The following TRIM2 variants were observed in gnomAD, a reference collection of about 807,000 sequenced individuals.
TRIM2 encodes the protein tripartite motif containing 2, also known as tripartite motif-containing protein 2.
A neutral mutation model predicts 75.2 loss-of-function variants in TRIM2; 20 were observed. The ratio of observed to expected loss-of-function variants is 0.27; its 90% CI spans 0.19 to 0.39. The LOEUF (loss-of-function observed/expected upper bound fraction) is 0.39. Among genes scored for constraint, TRIM2 ranks in the 10% least tolerant of loss-of-function variants. The pLI is 1.00. For synonymous variants in TRIM2, 373 were observed against 388.3 expected (o/e 0.96, Z 0.46); for missense variants, 660 against 990.8 (o/e 0.67, Z 4.48).
chr4:153,214,849 G>A (rs1205256045), intron 1 of TRIM2, among the ~76,000 whole-genome samples: 1 of 152,120 alleles, frequency 6.6e-6, no homozygotes, highest in Non-Finnish European at 1.5e-5. Flanking sequence ...GAGGATTTTG[G>A]AAACTACTAG....
intron 6 of TRIM2, among the ~76,000 whole-genome samples, chr4:153,301,332 C>G (rs572071294): frequency 6.6e-6 from 1 of 152,168 alleles, no homozygotes; most frequent in African/African-American, 2.4e-5. Context: ...CCCAGCCAAC[C>G]TTTGCCTATT....
intron 1 of TRIM2, among the ~76,000 whole-genome samples, chr4:153,243,771 A>C (rs1747294996): frequency 6.6e-6 from 1 of 151,696 alleles, no homozygotes; most frequent in Non-Finnish European, 1.5e-5. Context: ...GGCATGGATA[A>C]TATGTGGTTT....
intron 1 of TRIM2, among the ~76,000 whole-genome samples, chr4:153,187,555 A>C (rs111657386): frequency 3.3e-5 from 5 of 152,132 alleles, no homozygotes; most frequent in Non-Finnish European, 7.4e-5. Context: ...GAGAGAGAGG[A>C]AGAAGGCTGC....
At chr4:153,218,428 T>G (rs1739076986) in intron 1 of TRIM2, among the ~76,000 whole-genome samples, 1 of 152,336 alleles carries the variant, frequency 6.6e-6, no homozygotes, top group East Asian at 1.9e-4. Flanking sequence ...CAGGGTGGCC[T>G]CCCATTCTTG....
At chr4:153,192,135 C>T (rs1269155562) in intron 1 of TRIM2, among the ~76,000 whole-genome samples, 1 of 152,174 alleles carries the variant, frequency 6.6e-6, no homozygotes, top group Non-Finnish European at 1.5e-5. Context: ...CACCCCACAC[C>T]CTTCCCCAGG....
In TRIM2 at chr4:153,337,404, T is replaced by C. The variant is rs1335321718; in HGVS notation, c.*2438T>C. The C allele has an allele frequency of 2.0e-6, 2 of 985,762 alleles. No individual in the cohort carries two copies. Among genetic ancestry groups the C allele is most frequent in the African/African-American group, 1.7e-5 (1 of 57,240 alleles). 61.1% of individuals were successfully genotyped at this position (985,762 alleles called of 1,614,324 possible). A position where few individuals can be genotyped will look rare whatever the true frequency, so the allele number is the denominator to read the frequency against. ...GAATACAAAGCTAATTTTTTTTACA[T>C]GTCAATATTGGCACAAACTGGAATG... On this transcript the variant is annotated 3_prime_UTR_variant, in exon 12 of 12. Transcript: ENST00000338700.
At chr4:153,173,371 A>G (rs1731072878) in intron 1 of TRIM2, among the ~76,000 whole-genome samples, 1 of 152,022 alleles carries the variant, frequency 6.6e-6, no homozygotes, top group Non-Finnish European at 1.5e-5. Flanking sequence ...ATTTTCTTAA[A>G]TTAAAAAATA....
At chr4:153,240,777 T>C (rs1746347861) in intron 1 of TRIM2, among the ~76,000 whole-genome samples, 1 of 152,166 alleles carries the variant, frequency 6.6e-6, no homozygotes, top group Non-Finnish European at 1.5e-5. Flanking sequence ...TTTCAGTAAG[T>C]ATATTAAAAT....
rs1307894550 is a variant in TRIM2, at chr4:153,295,204, C to T, written c.787-109C>T. ...GTTGACAAACACCGCTTGCTCAGAG[C>T]CACCTGCGTGGGCAGGTGTAGAGTC... On this transcript the variant is annotated intron_variant, in intron 5 of 11. Transcript: ENST00000338700. The surrounding 1 kb of genome is among the most constrained non-coding windows in gnomAD (Gnocchi z 7.2). 1 of 1,388,180 alleles carries T rather than the reference C, an allele frequency of 7.2e-7. No homozygotes were observed. The highest frequency in any genetic ancestry group is 9.5e-7 in the Non-Finnish European group (1 of 1,050,856). The allele number at this position is 1,388,180 out of a possible 1,614,324, so 86.0% of individuals were successfully genotyped here.
At chr4:153,204,685 A>T (rs1394436039) in intron 1 of TRIM2, 125 bp downstream of exon 1, 1 of 1,259,192 alleles carries the variant, frequency 7.9e-7, no homozygotes. Context: ...CCTGCAGAAG[A>T]GGGAAGGAAA....
chr4:153,238,051 T>C (rs1298236355), intron 1 of TRIM2, among the ~76,000 whole-genome samples: 1 of 152,152 alleles, frequency 6.6e-6, no homozygotes, highest in Non-Finnish European at 1.5e-5. Context: ...CTTTCATCTT[T>C]GAACCTGAAC....
chr4:153,266,978 T>A (rs1033095841), intron 1 of TRIM2: 16 of 150,226 alleles, frequency 1.1e-4, no homozygotes, highest in East Asian at 2.0e-4. Context: ...TTGTGATCGG[T>A]TACCTGTAAA....
At position 153,295,166 on chromosome 4, in the gene TRIM2, C is replaced by T. The variant is rs1762523078; in HGVS notation, c.787-147C>T. 2 of 1,138,554 alleles carry T rather than the reference C, an allele frequency of 1.8e-6. No homozygotes were observed. Among genetic ancestry groups the T allele is most frequent in the South Asian group, 1.8e-5 (1 of 56,152 alleles). 70.5% of individuals were successfully genotyped at this position (1,138,554 alleles called of 1,614,324 possible). A position where few individuals can be genotyped will look rare whatever the true frequency, so the allele number is the denominator to read the frequency against. The stretch of plus-strand genomic sequence containing the variant: ...TGCAGTTTAGGACTTTGCGTTAGCA[C>T]TGGGTTCCCTGGGTTGACAAACACC... On this transcript the variant is annotated intron_variant, in intron 5 of 11. Coordinates refer to ENST00000338700, the MANE Select transcript of TRIM2 (RefSeq NM_015271.5). This position sits in a 1 kb window ranked among gnomAD's most constrained non-coding sequence, Gnocchi z 7.2.
intron 1 of TRIM2, among the ~76,000 whole-genome samples, chr4:153,213,986 T>C (rs1046080324): frequency 9.0e-5 from 12 of 133,538 alleles, no homozygotes; most frequent in African/African-American, 3.3e-4. Context: ...TAAGACATAG[T>C]GAGGAAAAAA....
intron 1 of TRIM2, among the ~76,000 whole-genome samples, chr4:153,244,400 T>TTCC: frequency 1.3e-5 from 1 of 79,344 alleles, no homozygotes; most frequent in South Asian, 3.2e-4. Context: ...CTTCTTCTTC[T>TTCC]TCTTCTTCTT....
In TRIM2 at chr4:153,295,599, C is replaced by A; in HGVS notation, c.1073C>A (p.Thr358Lys). Reference sequence around the variant, plus strand: ...GCCGTTGCCTCAGAGACAGTGGCCACGGGCGAGGGGCTGCGGCAGACCATC... The same window carrying A: ...GCCGTTGCCTCAGAGACAGTGGCCAAGGGCGAGGGGCTGCGGCAGACCATC... ...TNAVASETVA[T>K]GEGLRQTIIG... is the part of the protein sequence containing the mutation. The change falls in exon 6 of 12, where the codon ACG becomes AAG. Residue 358 changes from threonine (T) to lysine (K), a missense_variant. Physicochemically the swap from Thr to Lys is moderately conservative, Grantham distance 78. This residue lies in a region of TRIM2 where 620 missense variants were observed against 891.0 expected (regional missense o/e 0.70). Coordinates refer to ENST00000338700, the MANE Select transcript of TRIM2 (RefSeq NM_015271.5). This position sits in a 1 kb window ranked among gnomAD's most constrained non-coding sequence, Gnocchi z 7.2. 6.2e-7 allele frequency: 1 copy of A among 1,613,876 alleles called. No homozygotes were observed. Among genetic ancestry groups the A allele is most frequent in the Non-Finnish European group, 8.5e-7 (1 of 1,179,958 alleles).
At chr4:153,233,739 A>G (rs1744266604) in intron 1 of TRIM2, among the ~76,000 whole-genome samples, 1 of 152,158 alleles carries the variant, frequency 6.6e-6, no homozygotes. Context: ...CTCTCTTCCT[A>G]TGAAGTAGAA....
At chr4:153,244,436 T>TTCTTCTTCCTCTTCTTCTTCTTCC in intron 1 of TRIM2, among the ~76,000 whole-genome samples, 1 of 103,900 alleles carries the variant, frequency 9.6e-6, no homozygotes, top group African/African-American at 5.4e-5. Flanking sequence ...CTTCTTCTTC[T>TTCTTCTTCCTCTTCTTCTTCTTCC]TTTAATTAGA....
At chr4:153,227,914 T>C (rs1029009980) in intron 1 of TRIM2, among the ~76,000 whole-genome samples, 3 of 152,340 alleles carry the variant, frequency 2.0e-5, no homozygotes, top group South Asian at 2.1e-4. Flanking sequence ...CTTGCAGATA[T>C]TGGGCAGCTG....
Sources: allele counts gnomAD v4.1 joint callset (sites outside exome capture counted in the v4.1 genomes callset), GRCh38; gene constraint gnomAD v4.1.1; regional missense constraint gnomAD v4.1.1; non-coding constraint Gnocchi (gnomAD v3.1); transcripts MANE v1.5; gene names NCBI Gene and HGNC (gene_info 2026-07-23, HGNC 2026-07-21).